Variants in MGAT5 observed in about 807,000 individuals in gnomAD.
MGAT5 encodes alpha-1,6-mannosylglycoprotein 6-beta-N-acetylglucosaminyltransferase.
MGAT5 carries 30 observed loss-of-function variants against 94.3 expected under a neutral mutation model. The ratio of observed to expected loss-of-function variants is 0.32; its 90% CI spans 0.24 to 0.43. MGAT5 has a LOEUF of 0.43. MGAT5 is among the 20% of genes least tolerant of loss of function. The pLI is 1.00. For missense variants in MGAT5, 691 were observed against 905.5 expected, an observed-to-expected ratio of 0.76 and a Z score of 3.04; for synonymous variants, 310 against 322.9, an observed-to-expected ratio of 0.96 and a Z score of 0.43.
rs80039750 is a variant in MGAT5 at position 134,195,259 on chromosome 2, C to T, written c.-142-59003C>T. 1.5e-3 allele frequency among the ~76,000 whole-genome samples: 222 copies of T among 152,308 alleles called. 3 individuals carry two copies. Among genetic ancestry groups the T allele is most frequent in the East Asian group, 0.01 (53 of 5,192 alleles). ...AATTAGCAGGTACTGTGTTAGACTTCAAACCTTATTAGTCATAAACAAATT... is the reference window on the plus strand; with the variant it reads ...AATTAGCAGGTACTGTGTTAGACTTTAAACCTTATTAGTCATAAACAAATT... On this transcript the variant is annotated intron_variant, in intron 1 of 16. Coordinates refer to the MGAT5 transcript ENST00000409645.
chr2:134,144,060 C>T (rs1686791147), intron 1 of MGAT5, among the ~76,000 whole-genome samples: 1 of 152,050 alleles, frequency 6.6e-6, no homozygotes, highest in African/African-American at 2.4e-5. Context: ...GGAGTAGAGG[C>T]CAGGACAAGG....
Position 134,177,144 on chromosome 2 carries a change from C to CGTGTGTGTGT in MGAT5, c.-143+56862_-143+56871dup, listed in dbSNP as rs141358502. The stretch of plus-strand genomic sequence containing the variant: ...AGGGACCTCCTGTAACAAATGAACC[C>CGTGTGTGTGT]GTGTGTGTGTGTGTGTGTATGTATC... On this transcript the variant is annotated intron_variant, in intron 1 of 16. Coordinates refer to the MGAT5 transcript ENST00000409645. Among the ~76,000 whole-genome samples the CGTGTGTGTGT allele has an allele frequency of 6.1e-4, 87 of 142,628 alleles. 2 individuals are homozygous for CGTGTGTGTGT. The South Asian group carries it at 7.2e-3, about 12-fold the overall frequency. 93.6% of individuals were successfully genotyped at this position (142,628 alleles called of 152,430 possible). A position where few individuals can be genotyped will look rare whatever the true frequency, so the allele number is the denominator to read the frequency against.
At chr2:134,347,846 G>A (rs1274395669) in intron 8 of MGAT5, among the ~76,000 whole-genome samples, 1 of 152,170 alleles carries the variant, frequency 6.6e-6, no homozygotes, top group Non-Finnish European at 1.5e-5. Flanking sequence ...TTCAAGCCAA[G>A]GCTCCACATG....
At chr2:134,413,423 T>A (rs1683782758) in intron 12 of MGAT5, among the ~76,000 whole-genome samples, 1 of 152,190 alleles carries the variant, frequency 6.6e-6, no homozygotes, top group Admixed American at 6.5e-5. Context: ...GCCATCAGCC[T>A]CAGGATACCA....
At chr2:134,193,466 G>A (rs77981557) in intron 1 of MGAT5, among the ~76,000 whole-genome samples, 3,852 of 152,192 alleles carry the variant, frequency 0.025, 157 homozygotes, top group African/African-American at 0.089. Context: ...TGGCAAAATG[G>A]GCCTGTTTAT....
chr2:134,232,740 C>T (rs1681433505), intron 1 of MGAT5, among the ~76,000 whole-genome samples: 1 of 152,038 alleles, frequency 6.6e-6, no homozygotes, highest in South Asian at 2.1e-4. Flanking sequence ...TCCTGCTAAC[C>T]TGAGATGTTA....
chr2:134,239,579 C>T (rs1310912970), intron 1 of MGAT5, among the ~76,000 whole-genome samples: 1 of 152,206 alleles, frequency 6.6e-6, no homozygotes, highest in East Asian at 1.9e-4. Context: ...CTTCTAATGA[C>T]CCTGTGATGA....
intron 1 of MGAT5, among the ~76,000 whole-genome samples, chr2:134,172,850 C>A (rs1009323039): frequency 6.6e-6 from 1 of 152,214 alleles, no homozygotes; most frequent in Non-Finnish European, 1.5e-5. Context: ...ATGGGGTCAA[C>A]AGAATGAAAC....
At chr2:134,386,654 G>T (rs1412409065) in intron 10 of MGAT5, among the ~76,000 whole-genome samples, 1 of 152,216 alleles carries the variant, frequency 6.6e-6, no homozygotes, top group Non-Finnish European at 1.5e-5. Context: ...AAGAGTGTGT[G>T]TTTCTCTGCT....
Position 134,217,069 on chromosome 2 carries a change from TG to T in MGAT5, c.-142-37191del, listed in dbSNP as rs1274897900. ...GTAGATGGAGGTTGTTCCAGGAGGC[TG>T]GCAGGATCCTTAGGGGCCCCATGTT... On this transcript the variant is annotated intron_variant, in intron 1 of 16. Transcript: ENST00000409645. 2.1e-4 allele frequency among the ~76,000 whole-genome samples: 32 copies of T among 152,182 alleles called. 1 individual carries two copies. The highest frequency in any genetic ancestry group is 2.1e-3 in the Admixed American group (32 of 15,280).
chr2:134,393,353 C>A (rs1021120296), intron 10 of MGAT5, among the ~76,000 whole-genome samples: 3 of 152,252 alleles, frequency 2.0e-5, no homozygotes, highest in African/African-American at 7.2e-5. Flanking sequence ...GAGACCAATT[C>A]TCCCCTGTCT....
upstream of MGAT5, among the ~76,000 whole-genome samples, chr2:134,251,620 T>A (rs1166276933): frequency 2.0e-5 from 3 of 152,170 alleles, no homozygotes; most frequent in African/African-American, 4.8e-5. Context: ...TTCCCTGTTT[T>A]AAAAATTTTT....
In MGAT5 at chr2:134,444,971, G is replaced by T. The variant is rs143248955; in HGVS notation, c.2027+3056G>T. Among the ~76,000 whole-genome samples the T allele has an allele frequency of 3.6e-3, 548 of 150,274 alleles. 3 individuals are homozygous for T. The highest frequency in any genetic ancestry group is 0.014 in the Middle Eastern group (4 of 292). On this transcript the variant is annotated intron_variant, in intron 15 of 15. Coordinates refer to ENST00000281923, the MANE Select transcript of MGAT5 (RefSeq NM_002410.5). The stretch of plus-strand genomic sequence containing the variant: ...AAGATGCAGGCTCCAGGAAGTGCCA[G>T]GGTCCATTCCAGTGGGGCCCAGTGG...
intron 1 of MGAT5, among the ~76,000 whole-genome samples, chr2:134,179,065 T>G (rs563798123): frequency 6.6e-6 from 1 of 152,374 alleles, no homozygotes; most frequent in East Asian, 1.9e-4. Context: ...TTGAGTTGCC[T>G]GGTGTCCATG....
intron 1 of MGAT5, among the ~76,000 whole-genome samples, chr2:134,149,270 C>A (rs961346888): frequency 1.3e-5 from 2 of 152,208 alleles, no homozygotes; most frequent in Non-Finnish European, 2.9e-5. Context: ...AGCTTCCTTA[C>A]AGGGCTGTTG....
intron 1 of MGAT5, among the ~76,000 whole-genome samples, chr2:134,159,894 G>A (rs568804561): frequency 5.3e-5 from 8 of 152,150 alleles, no homozygotes; most frequent in African/African-American, 9.7e-5. Flanking sequence ...AGTTGCTGGC[G>A]TGGCATATCT....
chr2:134,254,238 G>A lies in MGAT5; in HGVS notation c.-166G>A. The A allele has an allele frequency of 1.3e-6, 1 of 753,342 alleles. No individual in the cohort carries two copies. Among genetic ancestry groups the A allele is most frequent in the Non-Finnish European group, 2.1e-6 (1 of 471,412 alleles). The allele number at this position is 753,342 out of a possible 1,614,324, so 46.7% of individuals were successfully genotyped here. On this transcript the variant is annotated 5_prime_UTR_variant, in exon 1 of 16. The change creates a premature stop within an existing upstream ORF in the 5' untranslated region. Transcript: ENST00000281923. ...TGCTGTATTGTGCCATGACCACTTG[G>A]CTAATTCTTCTCCTCCTTCACAGCA...
At chr2:134,439,171 C>T (rs551937324) in intron 14 of MGAT5, among the ~76,000 whole-genome samples, 5 of 152,196 alleles carry the variant, frequency 3.3e-5, no homozygotes, top group African/African-American at 4.8e-5. Flanking sequence ...ATGCCTTTCT[C>T]AGCATTTCCT....
chr2:134,393,264 T>C (rs938910752), intron 10 of MGAT5, among the ~76,000 whole-genome samples: 2 of 152,088 alleles, frequency 1.3e-5, no homozygotes, highest in African/African-American at 4.8e-5. Flanking sequence ...CAAATATGGA[T>C]AGGGCCCCAG....
Sources: gnomAD v4.1 joint callset for allele counts (sites outside exome capture counted in the v4.1 genomes callset) on GRCh38, gnomAD v4.1.1 for gene constraint, MANE v1.5 for transcripts, NCBI Gene and HGNC (gene_info 2026-07-23, HGNC 2026-07-21) for gene names.